The following PTPRJ variants were observed in gnomAD, a reference collection of about 807,000 sequenced individuals.
PTPRJ encodes protein tyrosine phosphatase receptor type J.
Under a neutral mutation model 141.3 loss-of-function variants are expected in PTPRJ, and 129 were observed. That is an observed-to-expected ratio of 0.91 (90% CI 0.79 to 1.06). The LOEUF (loss-of-function observed/expected upper bound fraction) is 1.06. Ranked by LOEUF, PTPRJ falls within the 50% of genes least tolerant of loss-of-function variation. The pLI, the probability that PTPRJ is intolerant of heterozygous loss-of-function variation, is 0.00. For missense variants in PTPRJ, 1,601 were observed against 1,679.7 expected (o/e 0.95, Z 0.82); for synonymous variants, 610 against 640.5 (o/e 0.95, Z 0.72).
intron 1 of PTPRJ, among the ~76,000 whole-genome samples, chr11:48,084,589 T>TTGGTGATA (rs1292479933): frequency 6.6e-6 from 1 of 152,154 alleles, no homozygotes; most frequent in Non-Finnish European, 1.5e-5. Context: ...TGAGTTCTGA[T>TTGGTGATA]TGGTGATACA....
intron 1 of PTPRJ, among the ~76,000 whole-genome samples, chr11:48,044,596 G>A (rs1854345139): frequency 6.6e-6 from 1 of 152,198 alleles, no homozygotes; most frequent in African/African-American, 2.4e-5. Context: ...GGCTCAGGTG[G>A]TTCTGTATAC....
intron 1 of PTPRJ, among the ~76,000 whole-genome samples, chr11:48,053,004 G>T (rs972057597): frequency 6.8e-6 from 1 of 147,836 alleles, no homozygotes; most frequent in South Asian, 2.1e-4. Context: ...ACCACTCATC[G>T]CCAGCCCTTA....
intron 1 of PTPRJ, among the ~76,000 whole-genome samples, chr11:48,041,728 G>A (rs1020910474): frequency 2.0e-5 from 3 of 152,028 alleles, no homozygotes; most frequent in African/African-American, 7.2e-5. Context: ...GGGTTCTAGC[G>A]ATCCTCCCAC....
intron 1 of PTPRJ, chr11:48,046,262 G>A (rs12099043): frequency 0.074 from 11,278 of 152,174 alleles, 435 homozygotes; most frequent in Middle Eastern, 0.11. Flanking sequence ...TGCCCATGCT[G>A]GTCTTGAACT....
At chr11:48,154,811 G>A (rs549013182) in intron 19 of PTPRJ, among the ~76,000 whole-genome samples, 1 of 152,294 alleles carries the variant, frequency 6.6e-6, no homozygotes, top group Non-Finnish European at 1.5e-5. Context: ...ACTAGGCTGG[G>A]GGTATTGCCC....
chr11:48,122,242 G>A (rs751311891), intron 4 of PTPRJ, among the ~76,000 whole-genome samples: 87 of 152,294 alleles, frequency 5.7e-4, no homozygotes, highest in South Asian at 8.3e-4. Context: ...AGAGGGAAAG[G>A]AGAGCACAGA....
chr11:48,067,662 G>A (rs1161574435), intron 1 of PTPRJ, among the ~76,000 whole-genome samples: 1 of 152,246 alleles, frequency 6.6e-6, no homozygotes, highest in East Asian at 1.9e-4. Flanking sequence ...AACAAGCAAG[G>A]AGAATAGAAG....
At chr11:48,133,088 C>G (rs909997221) in intron 8 of PTPRJ, among the ~76,000 whole-genome samples, 1 of 152,160 alleles carries the variant, frequency 6.6e-6, no homozygotes, top group Non-Finnish European at 1.5e-5. Context: ...TGAGTGCTCT[C>G]ATACTGCATT....
intron 1 of PTPRJ, among the ~76,000 whole-genome samples, chr11:48,042,783 TGTGA>T (rs1486851164): frequency 4.0e-4 from 61 of 150,990 alleles, no homozygotes; most frequent in African/African-American, 1.4e-3. Flanking sequence ...TGTGTGTGTG[TGTGA>T]GAGAGAGAGA....
At chr11:48,010,463 C>A (rs1248878441) in intron 1 of PTPRJ, among the ~76,000 whole-genome samples, 1 of 151,550 alleles carries the variant, frequency 6.6e-6, no homozygotes, top group African/African-American at 2.4e-5. Flanking sequence ...ACAGGGTGAA[C>A]CACTGCGCGG....
At chr11:48,088,005 G>C (rs1855761567) in intron 1 of PTPRJ, among the ~76,000 whole-genome samples, 1 of 152,132 alleles carries the variant, frequency 6.6e-6, no homozygotes, top group South Asian at 2.1e-4. Context: ...GCTCTCTCTT[G>C]GTGATCTCTC....
intron 3 of PTPRJ, among the ~76,000 whole-genome samples, chr11:48,113,660 T>C: frequency 6.6e-6 from 1 of 152,188 alleles, no homozygotes; most frequent in Non-Finnish European, 1.5e-5. Context: ...TTTCAAGGTA[T>C]TTCTGGGTAT....
At chr11:48,146,770 A>G in intron 14 of PTPRJ, 106 bp from the exon 15 acceptor site, 1 of 812,928 alleles carries the variant, frequency 1.2e-6, no homozygotes, top group Admixed American at 1.7e-5. Context: ...TGTGTATGGT[A>G]TACACACTTT....
chr11:48,068,212 A>G (rs1386940155), intron 1 of PTPRJ, among the ~76,000 whole-genome samples: 8 of 152,202 alleles, frequency 5.3e-5, no homozygotes, highest in African/African-American at 1.9e-4. Context: ...TGAACATTTT[A>G]AAATCAGCTG....
intron 1 of PTPRJ, among the ~76,000 whole-genome samples, chr11:47,997,721 T>C (rs1406730054): frequency 6.6e-6 from 1 of 152,150 alleles, no homozygotes; most frequent in Non-Finnish European, 1.5e-5. Flanking sequence ...ATTAGGAGCT[T>C]TGAGACCAAG....
At chr11:48,079,281 C>T (rs1006986118) in intron 1 of PTPRJ, among the ~76,000 whole-genome samples, 5 of 151,750 alleles carry the variant, frequency 3.3e-5, no homozygotes, top group African/African-American at 1.2e-4. Flanking sequence ...GGTTTAGAGG[C>T]GGATGCAGTA....
intron 8 of PTPRJ, among the ~76,000 whole-genome samples, chr11:48,135,365 C>T (rs1362125407): frequency 1.3e-5 from 2 of 151,056 alleles, no homozygotes; most frequent in Admixed American, 6.6e-5. Flanking sequence ...TTGATAGAGA[C>T]GGGGTTTCTC....
intron 1 of PTPRJ, among the ~76,000 whole-genome samples, chr11:48,073,911 T>C (rs959106274): frequency 1.3e-5 from 2 of 152,232 alleles, no homozygotes; most frequent in Non-Finnish European, 2.9e-5. Flanking sequence ...ATATATATTT[T>C]ACATGACAAA....
At chr11:48,084,887 A>G (rs1013775688) in intron 1 of PTPRJ, among the ~76,000 whole-genome samples, 2 of 152,302 alleles carry the variant, frequency 1.3e-5, no homozygotes, top group East Asian at 1.9e-4. Flanking sequence ...AAATTGTACA[A>G]TTATTTGTAA....
Sources: allele counts gnomAD v4.1 joint callset (sites outside exome capture counted in the v4.1 genomes callset), GRCh38; gene constraint gnomAD v4.1.1; transcripts MANE v1.5; gene names NCBI Gene and HGNC (gene_info 2026-07-23, HGNC 2026-07-21).